The following CASD1 variants were observed in gnomAD, a reference collection of about 807,000 sequenced individuals.
CASD1 encodes N-acetylneuraminate (7)9-O-acetyltransferase.
Under a neutral mutation model 100.0 loss-of-function variants are expected in CASD1, and 41 were observed. That is an observed-to-expected ratio of 0.41 (90% CI 0.32 to 0.53). The LOEUF is 0.53. Among genes scored for constraint, CASD1 ranks in the 20% least tolerant of loss-of-function variants. The pLI is 0.25. For missense variants in CASD1, 774 were observed against 948.7 expected (o/e 0.82, Z 2.42); for synonymous variants, 321 against 315.6 (o/e 1.02, Z -0.18).
At chr7:94,584,535 C>T in the CASD1 span, among the ~76,000 whole-genome samples, 6 of 152,170 alleles carry the variant, frequency 3.9e-5, no homozygotes, top group African/African-American at 7.2e-5. Flanking sequence ...AAACAAGTTA[C>T]GGTACCTAAC....
chr7:94,593,946 A>G, the CASD1 span, among the ~76,000 whole-genome samples: 2 of 152,076 alleles, frequency 1.3e-5, no homozygotes, highest in African/African-American at 2.4e-5. Context: ...GAGCTCTACC[A>G]TAACATACAC....
At chr7:94,533,138 A>G (rs922425662) in intron 5 of CASD1, 67 bp from the exon 6 acceptor site, 1 of 1,118,518 alleles carries the variant, frequency 8.9e-7, no homozygotes. Flanking sequence ...AAAAAATTAA[A>G]TGATGTTACT....
the CASD1 span, among the ~76,000 whole-genome samples, chr7:94,563,319 G>A: frequency 6.6e-6 from 1 of 152,154 alleles, no homozygotes; most frequent in African/African-American, 2.4e-5. Flanking sequence ...AAAGGCCTCT[G>A]TGGAGATAAT....
At chr7:94,608,451 T>C in the CASD1 span, among the ~76,000 whole-genome samples, 1 of 152,244 alleles carries the variant, frequency 6.6e-6, no homozygotes, top group South Asian at 2.1e-4. Context: ...AGATATTCCA[T>C]GTTTAATGGA....
At chr7:94,542,100 A>G (rs1562945110) in intron 10 of CASD1, among the ~76,000 whole-genome samples, 2 of 152,222 alleles carry the variant, frequency 1.3e-5, no homozygotes, top group Admixed American at 1.3e-4. Flanking sequence ...TTTAAATGTA[A>G]TAACCAACCC....
chr7:94,569,184 T>C, the CASD1 span, among the ~76,000 whole-genome samples: 1 of 152,132 alleles, frequency 6.6e-6, no homozygotes, highest in Admixed American at 6.5e-5. Flanking sequence ...AAAAAATGCA[T>C]ATACCACATC....
chr7:94,612,303 C>T, the CASD1 span, among the ~76,000 whole-genome samples: 1 of 152,106 alleles, frequency 6.6e-6, no homozygotes, highest in East Asian at 1.9e-4. Context: ...TACAGAAAAC[C>T]TGAGGTATAA....
the CASD1 span, chr7:94,599,552 A>C: frequency 1.5e-5 from 11 of 712,608 alleles, no homozygotes; most frequent in Non-Finnish European, 2.7e-5. Context: ...AAATATCTCT[A>C]TTTAGAAAGC....
At chr7:94,540,104 T>C (rs1322206876) in intron 10 of CASD1, among the ~76,000 whole-genome samples, 1 of 152,214 alleles carries the variant, frequency 6.6e-6, no homozygotes, top group East Asian at 1.9e-4. Context: ...AAATGTGTGT[T>C]CTGAGTTGTA....
the CASD1 span, among the ~76,000 whole-genome samples, chr7:94,612,391 A>G: frequency 1.3e-5 from 2 of 152,180 alleles, no homozygotes; most frequent in Non-Finnish European, 2.9e-5. Context: ...TCAAATGCAT[A>G]TATTTTAATC....
the CASD1 span, among the ~76,000 whole-genome samples, chr7:94,590,241 A>G: frequency 3.3e-5 from 5 of 152,160 alleles, no homozygotes; most frequent in Non-Finnish European, 7.4e-5. Context: ...AATTCCCATG[A>G]GAAATGTTAT....
At chr7:94,616,992 A>T in the CASD1 span, 1 of 152,320 alleles carries the variant, frequency 6.6e-6, no homozygotes, top group Admixed American at 6.5e-5. Flanking sequence ...GATTCTCTCA[A>T]ATATCTGACG....
chr7:94,582,521 A>G, the CASD1 span, among the ~76,000 whole-genome samples: 1 of 152,242 alleles, frequency 6.6e-6, no homozygotes, highest in South Asian at 2.1e-4. Flanking sequence ...TCCCTAGTAA[A>G]TTTAAGTTCC....
chr7:94,517,743 C>T (rs1431461695), intron 2 of CASD1, 87 bp downstream of exon 2: 2 of 777,188 alleles, frequency 2.6e-6, no homozygotes, highest in Admixed American at 4.6e-5. Context: ...TACTTTTCAT[C>T]TCTATGTTGG....
Position 94,544,734 on chromosome 7 carries a change from A to C in CASD1, c.1476+204A>C, listed in dbSNP as rs889227252. ...TGAAAGAAGGAAAATATAATTTAATATATAATAAAAGCACTGGTACACAGG... is the reference window on the plus strand; with the variant it reads ...TGAAAGAAGGAAAATATAATTTAATCTATAATAAAAGCACTGGTACACAGG... On this transcript the variant is annotated intron_variant, in intron 11 of 17. Coordinates refer to ENST00000297273, the MANE Select transcript of CASD1 (RefSeq NM_022900.5). 2.6e-5 allele frequency among the ~76,000 whole-genome samples: 4 copies of C among 152,258 alleles called. No homozygotes were observed. The South Asian group carries it at 8.3e-4, about 32-fold the overall frequency.
chr7:94,541,332 T>C (rs1795382521), intron 10 of CASD1, among the ~76,000 whole-genome samples: 1 of 151,666 alleles, frequency 6.6e-6, no homozygotes. Context: ...GTCAAACTAG[T>C]TGTGTCATGT....
At chr7:94,625,115 T>G in the CASD1 span, 1 of 152,040 alleles carries the variant, frequency 6.6e-6, no homozygotes, top group Non-Finnish European at 1.5e-5. Context: ...GCATACTTTA[T>G]TTTTGATTCC....
chr7:94,628,151 C>A, the CASD1 span: 1 of 1,401,056 alleles, frequency 7.1e-7, no homozygotes, highest in Non-Finnish European at 1.0e-6. Context: ...CACACACACA[C>A]ACACACACAC....
Position 94,537,883 on chromosome 7 carries a change from A to G in CASD1, c.1255A>G (p.Asn419Asp). Reference protein sequence around the residue: ...ILVLGVFYNENTKETKVLNRE... With the variant: ...ILVLGVFYNEDTKETKVLNRE... ...GGTTTTGGGAGTATTTTATAATGAA[A>G]ATACTAAAGAGGTAAGAGTCATTTT... Residue 419 changes from asparagine to aspartate, a missense_variant, in exon 9 of 18, where the codon AAT (asparagine) becomes GAT (aspartate). Transcript: ENST00000297273. 1 of 1,447,992 alleles carries G rather than the reference A, an allele frequency of 6.9e-7. No individual in the cohort carries two copies. Among genetic ancestry groups the G allele is most frequent in the Middle Eastern group, 1.8e-4 (1 of 5,696 alleles). 89.7% of individuals were successfully genotyped at this position (1,447,992 alleles called of 1,614,324 possible). A position where few individuals can be genotyped will look rare whatever the true frequency, so the allele number is the denominator to read the frequency against.
Sources: allele counts gnomAD v4.1 joint callset (sites outside exome capture counted in the v4.1 genomes callset), GRCh38; gene constraint gnomAD v4.1.1; transcripts MANE v1.5; gene names NCBI Gene and HGNC (gene_info 2026-07-23, HGNC 2026-07-21).